EYS: variants seen among roughly 807,000 people sequenced by gnomAD.
EYS encodes protein eyes shut homolog.
Under a neutral mutation model 282.1 loss-of-function variants are expected in EYS, and 250 were observed. The ratio of observed to expected loss-of-function variants is 0.89; its 90% CI spans 0.80 to 0.98. The LOEUF (loss-of-function observed/expected upper bound fraction) is 0.98, where lower values mean the gene tolerates loss of function less well. EYS is among the 50% of genes least tolerant of loss of function. EYS has a pLI of 0.00. For synonymous variants in EYS, 1,355 were observed against 1,282.9 expected, an observed-to-expected ratio of 1.06 and a Z score of -1.20; for missense variants, 4,016 against 3,709.0, an observed-to-expected ratio of 1.08 and a Z score of -2.15.
At chr6:65,373,110 A>T (rs998284838) in intron 8 of EYS, among the ~76,000 whole-genome samples, 11 of 152,092 alleles carry the variant, frequency 7.2e-5, no homozygotes, top group Admixed American at 5.9e-4. Flanking sequence ...TCCTGGCCCA[A>T]CTGGCCATCA....
chr6:63,784,883 T>C (rs1394669298), intron 39 of EYS, among the ~76,000 whole-genome samples: 2 of 152,180 alleles, frequency 1.3e-5, no homozygotes, highest in Admixed American at 6.5e-5. Context: ...GCAATAGGGT[T>C]ATGATGTGTC....
At chr6:65,416,304 A>T (rs1209072087) in intron 5 of EYS, among the ~76,000 whole-genome samples, 1 of 151,924 alleles carries the variant, frequency 6.6e-6, no homozygotes, top group African/African-American at 2.4e-5. Context: ...AGTAATAGTA[A>T]GTGTGGCATA....
intron 13 of EYS, among the ~76,000 whole-genome samples, chr6:65,008,181 A>G (rs1383677298): frequency 1.3e-5 from 2 of 152,196 alleles, no homozygotes; most frequent in Non-Finnish European, 2.9e-5. Context: ...TGAATTATTC[A>G]ATGATGTCCA....
intron 22 of EYS, among the ~76,000 whole-genome samples, chr6:64,643,990 C>G (rs1389391385): frequency 6.6e-6 from 1 of 152,176 alleles, no homozygotes; most frequent in Non-Finnish European, 1.5e-5. Flanking sequence ...ATCCAAAAAG[C>G]TAGTTAATAT....
At chr6:65,260,861 T>C (rs536316428) in intron 12 of EYS, among the ~76,000 whole-genome samples, 1 of 152,112 alleles carries the variant, frequency 6.6e-6, no homozygotes, top group South Asian at 2.1e-4. Flanking sequence ...TAAGAACTTA[T>C]TAGAAAGAGA....
chr6:63,894,022 G>A (rs1773472178), intron 35 of EYS, among the ~76,000 whole-genome samples: 1 of 152,216 alleles, frequency 6.6e-6, no homozygotes, highest in African/African-American at 2.4e-5. Context: ...AGGAGCCTGA[G>A]GGGAGACAGC....
chr6:64,565,968 A>C (rs1167160997), intron 26 of EYS, among the ~76,000 whole-genome samples: 1 of 151,040 alleles, frequency 6.6e-6, no homozygotes, highest in Non-Finnish European at 1.5e-5. Context: ...AAAAAAAAAA[A>C]ACACCAAGCA....
chr6:64,342,968 C>T lies in EYS; in HGVS notation c.6079-35886G>A, dbSNP rs561268814. Among the ~76,000 whole-genome samples the T allele has an allele frequency of 2.4e-3, 362 of 152,134 alleles. 1 individual carries two copies. The highest frequency in any genetic ancestry group is 8.4e-3 in the African/African-American group (347 of 41,528). Reference sequence around the variant, plus strand: ...TCAAAAGAGACAAAGAAGGCCATTACATAATGGTAAAGGGATCAATTCAAC... The same window carrying T: ...TCAAAAGAGACAAAGAAGGCCATTATATAATGGTAAAGGGATCAATTCAAC... On this transcript the variant is annotated intron_variant, in intron 29 of 42. Transcript: ENST00000503581.
At chr6:63,829,212 G>T (rs1245974732) in intron 36 of EYS, among the ~76,000 whole-genome samples, 1 of 152,136 alleles carries the variant, frequency 6.6e-6, no homozygotes, top group African/African-American at 2.4e-5. Context: ...TACCGGGTTC[G>T]TCTCACTGGG....
chr6:64,600,398 A>G (rs1025630904), intron 24 of EYS, among the ~76,000 whole-genome samples: 1 of 152,086 alleles, frequency 6.6e-6, no homozygotes, highest in African/African-American at 2.4e-5. Flanking sequence ...TGAGAATAAT[A>G]TTCTGAAGAT....
At chr6:64,539,345 C>T (rs549596066) in intron 26 of EYS, among the ~76,000 whole-genome samples, 3 of 152,050 alleles carry the variant, frequency 2.0e-5, no homozygotes, top group Non-Finnish European at 4.4e-5. Flanking sequence ...GTAGGAGGAT[C>T]GCTTGAGAAC....
chr6:65,592,215 T>G (rs1327538137), intron 2 of EYS, among the ~76,000 whole-genome samples: 1 of 152,040 alleles, frequency 6.6e-6, no homozygotes, highest in Non-Finnish European at 1.5e-5. Flanking sequence ...AAAAAGCCTT[T>G]ATCAATTATT....
chr6:64,549,075 C>T (rs1224415503), intron 26 of EYS, among the ~76,000 whole-genome samples: 1 of 152,216 alleles, frequency 6.6e-6, no homozygotes, highest in African/African-American at 2.4e-5. Context: ...GTTCTTTCTT[C>T]TGACTAAGTA....
At chr6:64,599,157 T>C (rs1227836308) in intron 24 of EYS, among the ~76,000 whole-genome samples, 1 of 152,144 alleles carries the variant, frequency 6.6e-6, no homozygotes, top group Non-Finnish European at 1.5e-5. Context: ...TAGGAAGCCA[T>C]TGGAATATTT....
intron 36 of EYS, among the ~76,000 whole-genome samples, chr6:63,811,602 C>A (rs896680862): frequency 2.0e-5 from 3 of 152,102 alleles, no homozygotes; most frequent in Non-Finnish European, 4.4e-5. Flanking sequence ...AGTAAACAGT[C>A]TCTATCCCTG....
At chr6:65,127,298 A>C (rs1244425663) in intron 12 of EYS, among the ~76,000 whole-genome samples, 1 of 152,176 alleles carries the variant, frequency 6.6e-6, no homozygotes, top group Non-Finnish European at 1.5e-5. Context: ...GAATTTCTAG[A>C]AATAATGTAT....
chr6:64,798,018 CATT>C lies in EYS; in HGVS notation c.3443+15357_3443+15359del, dbSNP rs578169405. Among the ~76,000 whole-genome samples, 167 of 151,752 alleles carry C rather than the reference CATT, an allele frequency of 1.1e-3. 1 individual carries two copies. Among genetic ancestry groups the C allele is most frequent in the African/African-American group, 3.8e-3 (159 of 41,446 alleles). ...TAGATATATATACATATATTAAAAC[CATT>C]ATTTTCTTCATTATATTCTTTATAA... is the stretch of plus-strand genomic sequence containing the variant. On this transcript the variant is annotated intron_variant, in intron 22 of 42. Coordinates refer to ENST00000503581, the MANE Select transcript of EYS (RefSeq NM_001142800.2).
At chr6:64,876,853 A>C (rs754826688) in intron 19 of EYS, among the ~76,000 whole-genome samples, 60 of 152,284 alleles carry the variant, frequency 3.9e-4, no homozygotes, top group Middle Eastern at 3.4e-3. Context: ...TAGGGGCCAT[A>C]TTATACAGGA....
intron 8 of EYS, among the ~76,000 whole-genome samples, chr6:65,382,002 T>C (rs748528546): frequency 6.6e-6 from 1 of 151,912 alleles, no homozygotes; most frequent in Non-Finnish European, 1.5e-5. Context: ...TTTCATATTA[T>C]CTCATGTGAA....
Sources: allele counts gnomAD v4.1 joint callset (sites outside exome capture counted in the v4.1 genomes callset), GRCh38; gene constraint gnomAD v4.1.1; transcripts MANE v1.5; gene names NCBI Gene and HGNC (gene_info 2026-07-23, HGNC 2026-07-21).